The following CHD2 variants were observed in gnomAD, a reference collection of about 807,000 sequenced individuals.
CHD2 encodes the protein chromodomain helicase DNA binding protein 2, also known as ATP-dependent chromatin remodeler CHD2.
A neutral mutation model predicts 243.9 loss-of-function variants in CHD2; 28 were observed. That is an observed-to-expected ratio of 0.11 (90% CI 0.09 to 0.16). The LOEUF is 0.16. CHD2 is among the 10% of genes least tolerant of loss of function. The pLI is 1.00. For synonymous variants in CHD2, 775 were observed against 779.0 expected (o/e 0.99, Z 0.09); for missense variants, 1,386 against 2,209.8 (o/e 0.63, Z 7.47).
At position 92,992,852 on chromosome 15, in the gene CHD2, T is replaced by C; in HGVS notation, c.3456-7T>C. The C allele has an allele frequency of 6.2e-7, 1 of 1,612,424 alleles. No homozygotes were observed. The highest frequency in any genetic ancestry group is 8.5e-7 in the Non-Finnish European group (1 of 1,179,978). On this transcript the variant is annotated splice_region_variant and splice_polypyrimidine_tract_variant and intron_variant, in intron 27 of 38. Transcript: ENST00000394196. Reference sequence around the variant, plus strand: ...CCTAAAGTGTCCCCATATTTGTTCCTCCTCAGGCTGGAGTGCATAGCACGT... The same window carrying C: ...CCTAAAGTGTCCCCATATTTGTTCCCCCTCAGGCTGGAGTGCATAGCACGT...
At chr15:92,945,691 A>C in intron 10 of CHD2, 130 bp from the exon 11 acceptor site, 1 of 561,600 alleles carries the variant, frequency 1.8e-6, no homozygotes, top group South Asian at 3.3e-5. Flanking sequence ...AGCCACTATA[A>C]TCCCATTTTT....
rs1273391509 is a variant in CHD2 at position 93,000,536 on chromosome 15, C to G, written c.4033C>G (p.Arg1345Gly). ...GGCCAAATTAAAGAAGCGGAAGCCT[C>G]GGGTAAAGAAGGAAAACAAAGTGCC... ...EEAKLKKRKP[R>G]VKKENKVPRL... The change falls in exon 32 of 39, where the codon CGG (arginine) becomes GGG (glycine). Residue 1345 changes from arginine (R) to glycine (G), a missense_variant. Around this residue, in one of 19 missense-constraint regions of CHD2, gnomAD observed 125 missense variants for 128.9 expected, o/e 0.97. Coordinates refer to ENST00000394196, the MANE Select transcript of CHD2 (RefSeq NM_001271.4). The G allele has an allele frequency of 4.3e-6, 7 of 1,611,132 alleles. No individual in the cohort carries two copies. In the East Asian group the frequency reaches 1.1e-4, roughly 26 times the overall value.
chr15:93,022,356 A>G (rs1244207885), intron 38 of CHD2, among the ~76,000 whole-genome samples: 1 of 152,106 alleles, frequency 6.6e-6, no homozygotes, highest in East Asian at 1.9e-4. Context: ...CAGAGAACTC[A>G]CTCATTATCA....
chr15:93,023,289 T>C (rs969513704), intron 38 of CHD2, among the ~76,000 whole-genome samples: 1 of 152,260 alleles, frequency 6.6e-6, no homozygotes, highest in Non-Finnish European at 1.5e-5. Flanking sequence ...ATGTGACCTT[T>C]TGTGTCTGGC....
chr15:92,902,076 C>T, intron 2 of CHD2: 1 of 396,470 alleles, frequency 2.5e-6, no homozygotes, highest in Non-Finnish European at 4.4e-6. Flanking sequence ...TTAAGGTTTG[C>T]ATTTGTATGC....
Position 93,015,839 on chromosome 15 carries a change from A to C in CHD2, c.4906+930A>C, listed in dbSNP as rs77774867. 7.5e-3 allele frequency among the ~76,000 whole-genome samples: 1,140 copies of C among 152,324 alleles called. 21 individuals carry two copies. Among genetic ancestry groups the C allele is most frequent in the African/African-American group, 0.026 (1,099 of 41,564 alleles). ...CTTCACACTTGTTAGGATGGCTAGT[A>C]CCAAAAAGTCAAAAGATAAGGGTTG... On this transcript the variant is annotated intron_variant, in intron 37 of 38. Coordinates refer to ENST00000394196, the MANE Select transcript of CHD2 (RefSeq NM_001271.4).
chr15:92,931,488 T>A (rs1455094646), intron 5 of CHD2, among the ~76,000 whole-genome samples: 1 of 152,146 alleles, frequency 6.6e-6, no homozygotes, highest in Admixed American at 6.5e-5. Context: ...CAAGTGATCC[T>A]CCTACCTCAG....
chr15:92,935,328 G>A (rs373942628), intron 5 of CHD2, among the ~76,000 whole-genome samples: 17 of 152,218 alleles, frequency 1.1e-4, no homozygotes, highest in East Asian at 9.7e-4. Context: ...GAGCCACCGC[G>A]CCCGACCTTT....
intron 12 of CHD2, chr15:92,947,387 A>C (rs2053487064): frequency 6.6e-6 from 1 of 152,230 alleles, no homozygotes; most frequent in Admixed American, 6.6e-5. Flanking sequence ...ATCAAGAGAA[A>C]GATTCTTATA....
At chr15:93,001,410 G>A (rs1289184050) in intron 32 of CHD2, among the ~76,000 whole-genome samples, 1 of 152,184 alleles carries the variant, frequency 6.6e-6, no homozygotes, top group Non-Finnish European at 1.5e-5. Context: ...ACAACTTTAT[G>A]GAATTTCTGA....
chr15:92,953,278 T>A, intron 13 of CHD2, 79 bp from the exon 14 acceptor site: 1 of 1,094,092 alleles, frequency 9.1e-7, no homozygotes, highest in Non-Finnish European at 1.4e-6. Context: ...GAAGCATTGG[T>A]GTCGTTGCTG....
intron 16 of CHD2, among the ~76,000 whole-genome samples, chr15:92,957,309 T>A (rs2053628597): frequency 6.6e-6 from 1 of 152,234 alleles, no homozygotes; most frequent in South Asian, 2.1e-4. Context: ...GCCATTACTA[T>A]TCCTTCTTGA....
At chr15:92,988,974 G>A (rs140937224) in intron 26 of CHD2, among the ~76,000 whole-genome samples, 56 of 149,772 alleles carry the variant, frequency 3.7e-4, no homozygotes, top group African/African-American at 1.3e-3. Flanking sequence ...ACTTCCTTAG[G>A]GATGGTTTCT....
At chr15:92,981,960 A>T (rs2053985944) in intron 24 of CHD2, among the ~76,000 whole-genome samples, 1 of 152,228 alleles carries the variant, frequency 6.6e-6, no homozygotes, top group South Asian at 2.1e-4. Flanking sequence ...GCACCAGACG[A>T]ATAGGAGGTG....
intron 37 of CHD2, among the ~76,000 whole-genome samples, chr15:93,019,427 A>G (rs1036402201): frequency 1.3e-5 from 2 of 152,132 alleles, no homozygotes; most frequent in African/African-American, 4.8e-5. Context: ...AGGAGTAGTA[A>G]ATTTTGCCTT....
At chr15:92,999,224 T>C (rs2054224482) in intron 31 of CHD2, among the ~76,000 whole-genome samples, 1 of 152,054 alleles carries the variant, frequency 6.6e-6, no homozygotes, top group Non-Finnish European at 1.5e-5. Context: ...CCACACATAC[T>C]GTTACTGTTT....
At chr15:92,911,599 G>A (rs1474035419) in intron 2 of CHD2, among the ~76,000 whole-genome samples, 1 of 152,042 alleles carries the variant, frequency 6.6e-6, no homozygotes, top group East Asian at 1.9e-4. Flanking sequence ...TTAGCTGGAT[G>A]TGGTGGTGCA....
At chr15:92,952,991 T>C (rs2053574039) in intron 13 of CHD2, among the ~76,000 whole-genome samples, 1 of 152,236 alleles carries the variant, frequency 6.6e-6, no homozygotes, top group Non-Finnish European at 1.5e-5. Flanking sequence ...TGCTGATAGC[T>C]TTCTCTATTG....
At chr15:92,921,402 T>G (rs928555451) in intron 2 of CHD2, 12 of 152,312 alleles carry the variant, frequency 7.9e-5, no homozygotes, top group Admixed American at 7.2e-4. Flanking sequence ...AAGACCCGGA[T>G]GCCTGGGAGG....
Sources: allele counts gnomAD v4.1 joint callset (sites outside exome capture counted in the v4.1 genomes callset), GRCh38; gene constraint gnomAD v4.1.1; regional missense constraint gnomAD v4.1.1; transcripts MANE v1.5; gene names NCBI Gene and HGNC (gene_info 2026-07-23, HGNC 2026-07-21).